ANO4: variants seen among roughly 807,000 people sequenced by gnomAD.
ANO4 encodes anoctamin 4, also known as anoctamin-4.
A neutral mutation model predicts 141.9 loss-of-function variants in ANO4; 69 were observed. That is an observed-to-expected ratio of 0.49 (90% CI 0.40 to 0.59). The LOEUF is 0.59. Ranked by LOEUF, ANO4 falls within the 20% of genes least tolerant of loss-of-function variation. The pLI, the probability that ANO4 is intolerant of heterozygous loss-of-function variation, is 0.00. For missense variants in ANO4, 894 were observed against 1,162.2 expected (o/e 0.77, Z 3.36); for synonymous variants, 350 against 394.3 (o/e 0.89, Z 1.33).
intron 14 of ANO4, chr12:101,068,480 C>A: frequency 1.0e-6 from 1 of 974,198 alleles, no homozygotes; most frequent in South Asian, 1.3e-5. Context: ...TTCTTCTCAC[C>A]CTGTTCTCAG....
At chr12:101,080,865 G>GATATATATATATATTATAT (rs1555296490) in intron 15 of ANO4, among the ~76,000 whole-genome samples, 3,008 of 109,056 alleles carry the variant, frequency 0.028, 108 homozygotes, top group Non-Finnish European at 0.04. Flanking sequence ...CTAGGTTCTA[G>GATATATATATATATTATAT]ATATATATAT....
chr12:100,777,685 T>A (rs1487108321), intron 3 of ANO4, among the ~76,000 whole-genome samples: 1 of 152,198 alleles, frequency 6.6e-6, no homozygotes, highest in Non-Finnish European at 1.5e-5. Flanking sequence ...TGCTTGGAAT[T>A]CAGATTTATA....
intron 9 of ANO4, among the ~76,000 whole-genome samples, chr12:101,033,283 C>G (rs1397767155): frequency 7.0e-6 from 1 of 143,380 alleles, no homozygotes; most frequent in Non-Finnish European, 1.5e-5. Context: ...CACATGGACT[C>G]AGGAAGGGGA....
At chr12:100,720,781 T>A (rs1314742686) in intron 1 of ANO4, among the ~76,000 whole-genome samples, 2 of 152,050 alleles carry the variant, frequency 1.3e-5, no homozygotes, top group Admixed American at 6.6e-5. Context: ...TAAGTAGAAG[T>A]GTGGGGTGTG....
intron 3 of ANO4, among the ~76,000 whole-genome samples, chr12:100,760,671 AG>A (rs991985197): frequency 6.6e-6 from 1 of 152,214 alleles, no homozygotes; most frequent in Non-Finnish European, 1.5e-5. Flanking sequence ...ACGTTCAGGT[AG>A]ATATCACTTT....
At chr12:100,987,420 C>T (rs937548463) in intron 7 of ANO4, 119 bp from the exon 8 acceptor site, 3 of 1,230,746 alleles carry the variant, frequency 2.4e-6, no homozygotes, top group Non-Finnish European at 3.4e-6. Flanking sequence ...ATCCTGAGTG[C>T]AGTGAGAGGG....
At chr12:100,788,452 T>C (rs1373886088) in intron 3 of ANO4, among the ~76,000 whole-genome samples, 1 of 152,184 alleles carries the variant, frequency 6.6e-6, no homozygotes, top group Non-Finnish European at 1.5e-5. Flanking sequence ...GTTGGCATAT[T>C]ATTTGTAGGT....
At chr12:101,073,805 C>T (rs1412806661) in intron 14 of ANO4, among the ~76,000 whole-genome samples, 5 of 152,008 alleles carry the variant, frequency 3.3e-5, no homozygotes, top group Admixed American at 2.6e-4. Flanking sequence ...TGTCGACTAA[C>T]GTTGTGAGAA....
intron 15 of ANO4, among the ~76,000 whole-genome samples, chr12:101,079,849 C>T (rs7303868): frequency 0.23 from 35,677 of 152,056 alleles, 4,293 homozygotes; most frequent in Admixed American, 0.3. Context: ...TGTCCCTTAG[C>T]GTCTTCTAGG....
chr12:100,990,157 T>C (rs1215366100), intron 8 of ANO4, among the ~76,000 whole-genome samples: 1 of 150,800 alleles, frequency 6.6e-6, no homozygotes, highest in African/African-American at 2.4e-5. Context: ...ATATATGAGA[T>C]ATAGGTAAAT....
chr12:100,928,760 C>CT (rs2041974975), intron 3 of ANO4, among the ~76,000 whole-genome samples: 1 of 152,080 alleles, frequency 6.6e-6, no homozygotes, highest in African/African-American at 2.4e-5. Context: ...CATTATTTGC[C>CT]TTTTTATAGA....
intron 3 of ANO4, among the ~76,000 whole-genome samples, chr12:100,769,555 A>T (rs1194590784): frequency 6.6e-6 from 1 of 152,208 alleles, no homozygotes; most frequent in Non-Finnish European, 1.5e-5. Flanking sequence ...AAATTTGCAT[A>T]GTATTATTAT....
intron 1 of ANO4, among the ~76,000 whole-genome samples, chr12:100,724,726 T>A (rs10778068): frequency 0.24 from 36,873 of 152,102 alleles, 4,730 homozygotes; most frequent in Non-Finnish European, 0.29. Context: ...TTTGAATGGA[T>A]GAATTTCAGT....
intron 15 of ANO4, among the ~76,000 whole-genome samples, chr12:101,081,933 C>A (rs1005765224): frequency 6.6e-6 from 1 of 152,120 alleles, no homozygotes; most frequent in African/African-American, 2.4e-5. Flanking sequence ...CTCATTTGAA[C>A]TTAATTACCA....
intron 3 of ANO4, among the ~76,000 whole-genome samples, chr12:100,922,841 T>G (rs1002814326): frequency 3.3e-5 from 5 of 152,168 alleles, no homozygotes; most frequent in Non-Finnish European, 7.4e-5. Context: ...AATCAAGGTT[T>G]GCTCTTCTTC....
intron 1 of ANO4, among the ~76,000 whole-genome samples, chr12:100,727,579 A>C (rs1197272817): frequency 6.6e-6 from 1 of 152,144 alleles, no homozygotes; most frequent in Non-Finnish European, 1.5e-5. Context: ...TGTTTCTCTT[A>C]CAAACAGCAT....
intron 7 of ANO4, among the ~76,000 whole-genome samples, chr12:100,984,631 C>A (rs1405918595): frequency 6.6e-6 from 1 of 152,100 alleles, no homozygotes; most frequent in African/African-American, 2.4e-5. Flanking sequence ...ATTTTATAAC[C>A]TTGGAAAAGA....
intron 1 of ANO4, among the ~76,000 whole-genome samples, chr12:100,844,067 A>C (rs2037428503): frequency 6.6e-6 from 1 of 152,126 alleles, no homozygotes; most frequent in Non-Finnish European, 1.5e-5. Flanking sequence ...TGTTCTGGGC[A>C]TTAGAATTAC....
At chr12:101,122,425 T>A (rs1436929009) in intron 26 of ANO4, among the ~76,000 whole-genome samples, 2 of 152,214 alleles carry the variant, frequency 1.3e-5, no homozygotes, top group African/African-American at 4.8e-5. Flanking sequence ...TTTGTTGCAA[T>A]TGCTTTTCAG....
Sources: gnomAD v4.1 joint callset for allele counts (sites outside exome capture counted in the v4.1 genomes callset) on GRCh38, gnomAD v4.1.1 for gene constraint, MANE v1.5 for transcripts, NCBI Gene and HGNC (gene_info 2026-07-23, HGNC 2026-07-21) for gene names.